Variants in ZC3H12B observed in about 807,000 individuals in gnomAD.
ZC3H12B encodes probable ribonuclease ZC3H12B.
ZC3H12B carries 7 observed loss-of-function variants against 43.9 expected under a neutral mutation model. That is an observed-to-expected ratio of 0.16 (90% CI 0.09 to 0.30). ZC3H12B has a LOEUF of 0.30. ZC3H12B is among the 10% of genes least tolerant of loss of function. The pLI is 1.00. For synonymous variants in ZC3H12B, 222 were observed against 241.7 expected, an observed-to-expected ratio of 0.92 and a Z score of 0.76; for missense variants, 475 against 670.2, an observed-to-expected ratio of 0.71 and a Z score of 3.22.
At chrX:65,163,129 T>G in the ZC3H12B span, among the ~76,000 whole-genome samples, 2 of 110,383 alleles carry the variant, frequency 1.8e-5, no homozygotes, top group Non-Finnish European at 3.8e-5. Context: ...CCTCTGGAAG[T>G]TTTGTCTCAG....
intron 3 of ZC3H12B, among the ~76,000 whole-genome samples, chrX:65,462,626 C>T (rs1178034101): frequency 1.8e-5 from 2 of 112,291 alleles, no homozygotes; most frequent in Non-Finnish European, 3.8e-5. Context: ...GGAAGCATAG[C>T]TTGACCTTAG....
chrX:65,240,846 A>G, the ZC3H12B span, among the ~76,000 whole-genome samples: 5 of 111,841 alleles, frequency 4.5e-5, no homozygotes, highest in African/African-American at 3.2e-5. Context: ...TGTGTTTTGT[A>G]AGGTGATCAT....
chrX:65,307,300 T>A, the ZC3H12B span, among the ~76,000 whole-genome samples: 15 of 112,009 alleles, frequency 1.3e-4, no homozygotes, highest in African/African-American at 3.9e-4. Flanking sequence ...CAGAGATATG[T>A]GTCCATGAAT....
intron 3 of ZC3H12B, among the ~76,000 whole-genome samples, chrX:65,417,311 G>C (rs1179396063): frequency 8.9e-6 from 1 of 111,985 alleles, no homozygotes; most frequent in African/African-American, 3.2e-5. Flanking sequence ...TTTCCTTTGA[G>C]TGAAAACAGT....
the ZC3H12B span, among the ~76,000 whole-genome samples, chrX:65,166,462 C>G: frequency 9.0e-6 from 1 of 111,602 alleles, no homozygotes; most frequent in African/African-American, 3.3e-5. Context: ...CATTTGGGTT[C>G]GTTCCAAGTC....
intron 3 of ZC3H12B, among the ~76,000 whole-genome samples, chrX:65,445,806 G>A (rs1236144858): frequency 1.8e-5 from 2 of 112,274 alleles, no homozygotes; most frequent in Admixed American, 9.4e-5. Context: ...CTAGGAGTCG[G>A]GAATTTTAGA....
At chrX:65,146,344 T>C in the ZC3H12B span, among the ~76,000 whole-genome samples, 1 of 112,025 alleles carries the variant, frequency 8.9e-6, no homozygotes, top group African/African-American at 3.2e-5. Flanking sequence ...GTTTTTTATT[T>C]ATGCTATTTC....
At chrX:65,164,313 G>GT in the ZC3H12B span, among the ~76,000 whole-genome samples, 2 of 111,281 alleles carry the variant, frequency 1.8e-5, no homozygotes, top group African/African-American at 6.5e-5. Context: ...AGTTGAATCA[G>GT]TTTTTTGGTG....
chrX:65,273,310 A>G, the ZC3H12B span, among the ~76,000 whole-genome samples: 4 of 111,746 alleles, frequency 3.6e-5, no homozygotes. Flanking sequence ...ACAATAACTG[A>G]ACTGAAAAAT....
At chrX:65,392,338 G>A (rs978261275) in intron 2 of ZC3H12B, among the ~76,000 whole-genome samples, 4 of 110,862 alleles carry the variant, frequency 3.6e-5, no homozygotes, top group Middle Eastern at 4.8e-3. Context: ...CTGCCTGGCC[G>A]CCCATCTTCT....
At position 65,472,825 on chromosome X, in the gene ZC3H12B, G is replaced by GATATATAT. The variant is rs58372328; in HGVS notation, n.408-15794_408-15787dup. 9.4e-3 allele frequency among the ~76,000 whole-genome samples: 295 copies of GATATATAT among 31,536 alleles called. 5 individuals carry two copies. Among genetic ancestry groups the GATATATAT allele is most frequent in the Middle Eastern group, 0.023 (1 of 44 alleles). 27.4% of individuals were successfully genotyped at this position (31,536 alleles called of 115,157 possible). A position where few individuals can be genotyped will look rare whatever the true frequency, so the allele number is the denominator to read the frequency against. On this transcript the variant is annotated intron_variant and non_coding_transcript_variant, in intron 3 of 5. Coordinates refer to the ZC3H12B transcript ENST00000617377. ...ATACTGTTTTGATTACCATACCTTTGATATATATATATATATATATATATA... is the reference window on the plus strand; with the variant it reads ...ATACTGTTTTGATTACCATACCTTTGATATATATATATATATATATATATATATATATA...
At chrX:65,331,009 T>A in the ZC3H12B span, 1 of 336,336 alleles carries the variant, frequency 3.0e-6, no homozygotes, top group Non-Finnish European at 5.9e-6. Context: ...AATGACTTTT[T>A]GACGTTCTGT....
chrX:65,219,346 A>G, the ZC3H12B span, among the ~76,000 whole-genome samples: 2 of 112,222 alleles, frequency 1.8e-5, no homozygotes, highest in Non-Finnish European at 3.8e-5. Flanking sequence ...TCAGAAGGTC[A>G]ACTATTAAGC....
intron 3 of ZC3H12B, among the ~76,000 whole-genome samples, chrX:65,432,469 T>A (rs1215818526): frequency 9.0e-6 from 1 of 111,673 alleles, no homozygotes; most frequent in African/African-American, 3.3e-5. Flanking sequence ...TACTGACACC[T>A]CAAGCACCTT....
At chrX:65,436,051 T>TG (rs1346494678) in intron 3 of ZC3H12B, among the ~76,000 whole-genome samples, 1 of 111,924 alleles carries the variant, frequency 8.9e-6, no homozygotes, top group African/African-American at 3.3e-5. Flanking sequence ...ACAGGAAGCA[T>TG]GGTTGGGGAG....
At chrX:65,164,152 A>G in the ZC3H12B span, among the ~76,000 whole-genome samples, 2 of 111,563 alleles carry the variant, frequency 1.8e-5, no homozygotes, top group Admixed American at 9.6e-5. Context: ...CACTTCTCCA[A>G]GAAGTTGGAG....
intron 2 of ZC3H12B, among the ~76,000 whole-genome samples, chrX:65,382,802 A>T (rs2066462487): frequency 8.9e-6 from 1 of 111,770 alleles, no homozygotes; most frequent in Non-Finnish European, 1.9e-5. Flanking sequence ...ATTCTTGTAC[A>T]CCAACAACAG....
At chrX:65,464,940 TTTCA>T (rs2067798399) in intron 3 of ZC3H12B, among the ~76,000 whole-genome samples, 1 of 111,365 alleles carries the variant, frequency 9.0e-6, no homozygotes. Flanking sequence ...GCAAACTTCC[TTTCA>T]TTATTAATTT....
the ZC3H12B span, among the ~76,000 whole-genome samples, chrX:65,269,447 C>T: frequency 9.1e-6 from 1 of 110,455 alleles, no homozygotes; most frequent in Non-Finnish European, 1.9e-5. Flanking sequence ...ATCAAGAGTG[C>T]AATCCTATTT....
Sources: allele counts gnomAD v4.1 joint callset (sites outside exome capture counted in the v4.1 genomes callset), GRCh38; gene constraint gnomAD v4.1.1; transcripts MANE v1.5; gene names NCBI Gene and HGNC (gene_info 2026-07-23, HGNC 2026-07-21).